Variants in PRKAR1B observed in about 807,000 individuals in gnomAD.
PRKAR1B encodes the protein protein kinase cAMP-dependent type I regulatory subunit beta.
In PRKAR1B, 22 loss-of-function variants were observed where a neutral mutation model predicts 46.5. That is an observed-to-expected ratio of 0.47 (90% CI 0.34 to 0.68). The LOEUF (loss-of-function observed/expected upper bound fraction) is 0.68, where lower values mean the gene tolerates loss of function less well. PRKAR1B is among the 30% of genes least tolerant of loss of function. The probability of loss-of-function intolerance (pLI) is 0.01; values close to 1 mark genes in which losing one functional copy is unlikely to be tolerated. For synonymous variants in PRKAR1B, 259 were observed against 217.7 expected, an observed-to-expected ratio of 1.19 and a Z score of -1.67; for missense variants, 445 against 535.6, an observed-to-expected ratio of 0.83 and a Z score of 1.67.
intron 4 of PRKAR1B, among the ~76,000 whole-genome samples, chr7:651,063 G>C (rs1260940919): frequency 6.6e-6 from 1 of 152,260 alleles, no homozygotes; most frequent in Non-Finnish European, 1.5e-5. Flanking sequence ...GCTTCCCCGG[G>C]TTCCTGCTTT....
rs189345750 is a variant in PRKAR1B, at chr7:689,598, C to G, written c.178-8872G>C. On this transcript the variant is annotated intron_variant, in intron 2 of 10. Transcript: ENST00000537384. ...ACTTAGTATTTTATCTAGACTTTGA[C>G]TACAACCATGCAACAAAAGAAAAAG... Among the ~76,000 whole-genome samples, 349 of 152,042 alleles carry G rather than the reference C, an allele frequency of 2.3e-3. 2 individuals are homozygous for G. The highest frequency in any genetic ancestry group is 7.9e-3 in the African/African-American group (327 of 41,454).
intron 4 of PRKAR1B, among the ~76,000 whole-genome samples, chr7:613,625 C>A (rs914935798): frequency 6.6e-6 from 1 of 152,240 alleles, no homozygotes; most frequent in African/African-American, 2.4e-5. Context: ...TCGTTCCGCA[C>A]TGTGAATCTG....
chr7:551,590 TCCCAGAG>T (rs1302254677), intron 9 of PRKAR1B, 120 bp from the exon 10 acceptor site: 88 of 943,574 alleles, frequency 9.3e-5, no homozygotes, highest in Non-Finnish European at 9.5e-6. Context: ...CAGGTCCTTC[TCCCAGAG>T]CCACTGCCGA....
In PRKAR1B at chr7:721,540, C is replaced by T. The variant is rs575552340; in HGVS notation, c.-23+5670G>A. 4.6e-5 allele frequency among the ~76,000 whole-genome samples: 7 copies of T among 151,952 alleles called. No homozygotes were observed. In the South Asian group the frequency reaches 1.0e-3, roughly 23 times the overall value. On this transcript the variant is annotated intron_variant, in intron 1 of 10. Transcript: ENST00000537384. ...GCACATGCCTGTAATCCCAGTTACT[C>T]GAGAGGCTGAGGCAGGAGAATTGCT...
chr7:705,161 A>G (rs555395249), intron 2 of PRKAR1B, among the ~76,000 whole-genome samples: 57 of 152,038 alleles, frequency 3.7e-4, no homozygotes, highest in African/African-American at 1.4e-3. Flanking sequence ...GCATGGTGGC[A>G]CATGCCTGTA....
At chr7:715,922 A>T (rs981655064) in intron 1 of PRKAR1B, among the ~76,000 whole-genome samples, 1 of 152,052 alleles carries the variant, frequency 6.6e-6, no homozygotes, top group Non-Finnish European at 1.5e-5. Flanking sequence ...TCACCGTGTT[A>T]GCCAGGATGG....
rs1780802843 is a variant in PRKAR1B, at chr7:714,436, G to A, written c.-22-2909C>T. The stretch of plus-strand genomic sequence containing the variant: ...CAAGGATCTCCCAGGTTTGGGGGCT[G>A]GCAGCATGCACGTGGCCAGCCAGAC... On this transcript the variant is annotated intron_variant, in intron 1 of 10. Transcript: ENST00000537384. This position sits in a 1 kb window ranked among gnomAD's most constrained non-coding sequence, Gnocchi z 4.3. Among the ~76,000 whole-genome samples, 2 of 152,228 alleles carry A rather than the reference G, an allele frequency of 1.3e-5. No homozygotes were observed. Among genetic ancestry groups the A allele is most frequent in the African/African-American group, 4.8e-5 (2 of 41,450 alleles).
At position 691,559 on chromosome 7, in the gene PRKAR1B, C is replaced by T. The variant is rs753499472; in HGVS notation, c.178-10833G>A. Reference sequence around the variant, plus strand: ...CATTACCAGTGGATCCATGTCCACACGCCCTTCCGCCTACACGCAGTCCTT... The same window carrying T: ...CATTACCAGTGGATCCATGTCCACATGCCCTTCCGCCTACACGCAGTCCTT... On this transcript the variant is annotated intron_variant, in intron 2 of 10. Transcript: ENST00000537384. 43 of 1,304,348 alleles carry T rather than the reference C, an allele frequency of 3.3e-5. No individual in the cohort carries two copies. In the East Asian group the frequency reaches 5.0e-4, roughly 15 times the overall value. The allele number at this position is 1,304,348 out of a possible 1,614,324, so 80.8% of individuals were successfully genotyped here.
At chr7:659,290 C>T (rs958710502) in intron 4 of PRKAR1B, among the ~76,000 whole-genome samples, 3 of 152,118 alleles carry the variant, frequency 2.0e-5, no homozygotes, top group Admixed American at 6.5e-5. Flanking sequence ...GTCTGTGTTG[C>T]GCATGCAGTA....
intron 6 of PRKAR1B, among the ~76,000 whole-genome samples, chr7:603,668 G>A (rs551471887): frequency 6.7e-6 from 1 of 148,456 alleles, no homozygotes; most frequent in African/African-American, 2.5e-5. Flanking sequence ...GGCAGGGGAG[G>A]AGGTGACACG....
intron 9 of PRKAR1B, chr7:562,063 G>A: frequency 6.6e-6 from 1 of 152,524 alleles, no homozygotes; most frequent in Non-Finnish European, 1.5e-5. Context: ...GCCTGTGGCT[G>A]CGCCAGCAAC....
chr7:617,460 A>C (rs113127163), intron 4 of PRKAR1B, among the ~76,000 whole-genome samples: 1 of 151,602 alleles, frequency 6.6e-6, no homozygotes, highest in African/African-American at 2.4e-5. Flanking sequence ...CCGAACCACC[A>C]CCCCCAACTA....
At position 549,730 on chromosome 7, in the gene PRKAR1B, T is replaced by C. The variant is rs910373955; in HGVS notation, c.*700A>G. ...GAACTTCGAGCCCGGCCCCCCCTAC[T>C]GGGGTCTACCTGCGGCCGCGGCCCT... On this transcript the variant is annotated 3_prime_UTR_variant, in exon 11 of 11. Transcript: ENST00000537384. The C allele has an allele frequency of 6.6e-6, 1 of 152,232 alleles. No individual in the cohort carries two copies. The highest frequency in any genetic ancestry group is 2.4e-5 in the African/African-American group (1 of 41,430). The allele number at this position is 152,232 out of a possible 1,614,324, so 9.4% of individuals were successfully genotyped here.
intron 4 of PRKAR1B, among the ~76,000 whole-genome samples, chr7:643,147 A>C (rs1784471969): frequency 6.6e-6 from 1 of 151,664 alleles, no homozygotes; most frequent in African/African-American, 2.4e-5. Context: ...GCAAAAGAGA[A>C]AGACAACAGT....
intron 4 of PRKAR1B, among the ~76,000 whole-genome samples, chr7:640,450 A>G (rs2128484574): frequency 6.6e-6 from 1 of 152,310 alleles, no homozygotes; most frequent in African/African-American, 2.4e-5. Context: ...CCCATTAGTC[A>G]TTCAGGAAAT....
chr7:575,072 C>A (rs149416232), intron 9 of PRKAR1B, among the ~76,000 whole-genome samples: 1 of 152,210 alleles, frequency 6.6e-6, no homozygotes, highest in Non-Finnish European at 1.5e-5. Flanking sequence ...CTGAAGTCAG[C>A]GACTTAAACC....
chr7:617,601 G>A (rs1782899509), intron 4 of PRKAR1B, among the ~76,000 whole-genome samples: 1 of 152,192 alleles, frequency 6.6e-6, no homozygotes, highest in South Asian at 2.1e-4. Context: ...ACCCAGCCCT[G>A]TAGGTTAAGA....
At chr7:671,121 G>C (rs911200358) in intron 4 of PRKAR1B, among the ~76,000 whole-genome samples, 10 of 152,302 alleles carry the variant, frequency 6.6e-5, no homozygotes, top group Admixed American at 6.5e-4. Flanking sequence ...TTGAGGACTT[G>C]AGGGTTTCTA....
At chr7:598,749 C>T (rs1166135276) in intron 6 of PRKAR1B, among the ~76,000 whole-genome samples, 3 of 152,186 alleles carry the variant, frequency 2.0e-5, no homozygotes, top group South Asian at 2.1e-4. Flanking sequence ...AATCTGAGGT[C>T]GGGAGGGGTT....
Sources: gnomAD v4.1 joint callset for allele counts (sites outside exome capture counted in the v4.1 genomes callset) on GRCh38, gnomAD v4.1.1 for gene constraint, Gnocchi (gnomAD v3.1) non-coding constraint, MANE v1.5 for transcripts, NCBI Gene and HGNC (gene_info 2026-07-23, HGNC 2026-07-21) for gene names.